FAM186A: variants seen among roughly 807,000 people sequenced by gnomAD.
The protein encoded by FAM186A is family with sequence similarity 186 member A, also known as protein FAM186A.
Under a neutral mutation model 216.8 loss-of-function variants are expected in FAM186A, and 163 were observed. That is an observed-to-expected ratio of 0.75 (90% CI 0.66 to 0.86). The LOEUF (loss-of-function observed/expected upper bound fraction) is 0.86, where lower values mean the gene tolerates loss of function less well. FAM186A is among the 40% of genes least tolerant of loss of function. FAM186A has a pLI of 0.00. For missense variants in FAM186A, 2,184 were observed against 2,746.2 expected (o/e 0.80, Z 4.58); for synonymous variants, 805 against 1,025.3 (o/e 0.79, Z 4.10).
intron 4 of FAM186A, among the ~76,000 whole-genome samples, chr12:50,340,145 C>T (rs1235870963): frequency 6.6e-6 from 1 of 152,082 alleles, no homozygotes; most frequent in African/African-American, 2.4e-5. Context: ...GCCTGTCTTA[C>T]TGACTTTTAC....
chr12:50,385,362 G>A (rs2136106594), intron 1 of FAM186A, among the ~76,000 whole-genome samples: 1 of 147,158 alleles, frequency 6.8e-6, no homozygotes, highest in South Asian at 2.1e-4. Context: ...AGGTTGCAGT[G>A]AGCTGAGATT....
intron 1 of FAM186A, among the ~76,000 whole-genome samples, chr12:50,390,451 C>T (rs547086441): frequency 1.3e-5 from 2 of 152,232 alleles, no homozygotes; most frequent in East Asian, 3.9e-4. Flanking sequence ...TTTCATTCGA[C>T]CGAGGAATTT....
chr12:50,383,047 T>A (rs1050994146), intron 1 of FAM186A, among the ~76,000 whole-genome samples: 8 of 150,830 alleles, frequency 5.3e-5, no homozygotes, highest in African/African-American at 1.9e-4. Context: ...AGAAACCCCA[T>A]CTCTATAAAA....
chr12:50,373,066 A>G (rs1158521367), intron 1 of FAM186A, among the ~76,000 whole-genome samples: 2 of 147,324 alleles, frequency 1.4e-5, no homozygotes, highest in African/African-American at 2.5e-5. Context: ...AAAGAAAGAA[A>G]GAAAGAAAGA....
In FAM186A at chr12:50,354,323, T is replaced by C. The variant is rs984689329; in HGVS notation, c.2509A>G (p.Met837Val). Residue 837 changes from methionine (M) to valine (V), a missense_variant, in exon 4 of 8, where the codon ATG becomes GTG. Physicochemically the swap from Met to Val is conservative, Grantham distance 21. Transcript: ENST00000327337. ...CCCAGCAACTGCTGTTTGAGACTCA[T>C]GCCAGACATTTGTTCTTGACCCTCT... ...LQEGQEQMSG[M>V]SLKQQLLGER... 1.3e-6 allele frequency: 2 copies of C among 1,551,608 alleles called. No individual in the cohort carries two copies. Among genetic ancestry groups the C allele is most frequent in the African/African-American group, 1.4e-5 (1 of 73,048 alleles).
rs1475231364 is a variant in FAM186A, at chr12:50,355,428, T to C, written c.1404A>G (p.Val468=). The C allele has an allele frequency of 1.2e-5, 19 of 1,551,224 alleles. No individual in the cohort carries two copies. The highest frequency in any genetic ancestry group is 1.7e-5 in the Non-Finnish European group (19 of 1,146,954). ...WKRSHKKATY[V]YETSGPNLSD... is the part of the protein sequence containing the mutation. ...TCAGATTTGGTCCAGAGGTCTCATA[T>C]ACATATGTGGCTTTTTTGTGGCTTC... The change falls in exon 4 of 8, where the codon GTA becomes GTG. Residue 468 remains valine (V), a synonymous_variant. Transcript: ENST00000327337.
chr12:50,340,090 G>A (rs1451656103), intron 4 of FAM186A, among the ~76,000 whole-genome samples: 2 of 151,864 alleles, frequency 1.3e-5, no homozygotes, highest in African/African-American at 2.4e-5. Context: ...CACCCACCTC[G>A]GCCTCCCAAA....
chr12:50,358,936 A>AC (rs1943004973), intron 3 of FAM186A, among the ~76,000 whole-genome samples: 1 of 151,504 alleles, frequency 6.6e-6, no homozygotes, highest in African/African-American at 2.4e-5. Flanking sequence ...AAAAAAAAAA[A>AC]AGTTAAAACT....
chr12:50,355,750 G>T lies in FAM186A; in HGVS notation c.1082C>A (p.Ser361Tyr), dbSNP rs1942968964. The change falls in exon 4 of 8, where the codon TCC becomes TAC. Residue 361 changes from serine to tyrosine, a missense_variant. Physicochemically the swap from Ser to Tyr is moderately radical, Grantham distance 144. Around this residue, in one of 7 missense-constraint regions of FAM186A, gnomAD observed 1,132 missense variants for 1,263.4 expected, o/e 0.90. Transcript: ENST00000327337. ...ATCACCAACTTTGATTATCGCCCTG[G>T]ATGACTGTGGAGAAGGTCCAGGTAA... Reference protein sequence around the residue: ...KVLPGPSPQSSRAIIKVGDTE... With the variant: ...KVLPGPSPQSYRAIIKVGDTE... The T allele has an allele frequency of 6.4e-7, 1 of 1,551,516 alleles. No individual in the cohort carries two copies. Among genetic ancestry groups the T allele is most frequent in the Non-Finnish European group, 8.7e-7 (1 of 1,146,980 alleles).
Position 50,354,570 on chromosome 12 carries a change from CT to C in FAM186A, c.2261del (p.Lys754ArgfsTer2), listed in dbSNP as rs1325556099. The C allele has an allele frequency of 6.4e-7, 1 of 1,551,008 alleles. No homozygotes were observed. Among genetic ancestry groups the C allele is most frequent in the Non-Finnish European group, 8.7e-7 (1 of 1,146,862 alleles). On this transcript the variant is annotated frameshift_variant, in exon 4 of 8. Transcript: ENST00000327337. LOFTEE classifies it high-confidence loss of function. ...GCAATCCTGGCATAAATGAGACTAC[CT>C]TTTTTTGTTTTATAGGTTTCTCTCC... ...QVGEKPIKQK[K>X]VVSFMPGLHF...
In FAM186A at chr12:50,390,646, G is replaced by A. The variant is rs12313474; in HGVS notation, c.192+5647C>T. Among the ~76,000 whole-genome samples the A allele has an allele frequency of 3.2e-3, 494 of 152,124 alleles. 5 individuals are homozygous for A. Among genetic ancestry groups the A allele is most frequent in the African/African-American group, 1.0e-2 (413 of 41,506 alleles). On this transcript the variant is annotated intron_variant, in intron 1 of 7. Transcript: ENST00000327337. ...CCTTTGGTGGTTGGGTGCCACTACT[G>A]GGTCCCAGTTAGGTTTACAAATTCA...
In FAM186A at chr12:50,354,538, T is replaced by G; in HGVS notation, c.2294A>C (p.Gln765Pro). Residue 765 changes from glutamine (Q) to proline (P), a missense_variant, in exon 4 of 8, where the codon CAG becomes CCG. Gln to Pro is a moderately conservative substitution (Grantham distance 76). Around this residue, in one of 7 missense-constraint regions of FAM186A, gnomAD observed 1,132 missense variants for 1,263.4 expected, o/e 0.90. Coordinates refer to ENST00000327337, the MANE Select transcript of FAM186A (RefSeq NM_001145475.3). ...AGATTTTGCACTAATTGGTGACTTCTGAAAATGCAATCCTGGCATAAATGA... is the reference window on the plus strand; with the variant it reads ...AGATTTTGCACTAATTGGTGACTTCGGAAAATGCAATCCTGGCATAAATGA... ...VVSFMPGLHF[Q>P]KSPISAKSES... 1 of 1,551,696 alleles carries G rather than the reference T, an allele frequency of 6.4e-7. No individual in the cohort carries two copies. The highest frequency in any genetic ancestry group is 8.7e-7 in the Non-Finnish European group (1 of 1,147,006).
intron 1 of FAM186A, among the ~76,000 whole-genome samples, chr12:50,394,234 TTTTTTG>T (rs1230385864): frequency 6.6e-6 from 1 of 152,096 alleles, no homozygotes; most frequent in Admixed American, 6.6e-5. Context: ...AGCACTCTGT[TTTTTTG>T]TTTTTGTTTT....
At chr12:50,345,597 G>C (rs1316915882) in intron 4 of FAM186A, among the ~76,000 whole-genome samples, 3 of 152,048 alleles carry the variant, frequency 2.0e-5, no homozygotes, top group Non-Finnish European at 1.5e-5. Flanking sequence ...TCATTTATTG[G>C]ACAGAGAGTC....
At chr12:50,380,166 C>T (rs1303846108) in intron 1 of FAM186A, among the ~76,000 whole-genome samples, 1 of 152,070 alleles carries the variant, frequency 6.6e-6, no homozygotes, top group Non-Finnish European at 1.5e-5. Context: ...TAAGTGTATA[C>T]AAATGAATAA....
Position 50,392,961 on chromosome 12 carries a change from C to T in FAM186A, c.192+3332G>A, listed in dbSNP as rs1290933843. On this transcript the variant is annotated intron_variant, in intron 1 of 7. Coordinates refer to ENST00000327337, the MANE Select transcript of FAM186A (RefSeq NM_001145475.3). ...TTTTTTTTTGAGGCGGAGTCTTGCTCTGTCACCCAGGCTGGAGTGCGGTGG... is the reference window on the plus strand; with the variant it reads ...TTTTTTTTTGAGGCGGAGTCTTGCTTTGTCACCCAGGCTGGAGTGCGGTGG... Among the ~76,000 whole-genome samples the T allele has an allele frequency of 2.2e-5, 3 of 135,274 alleles. No individual in the cohort carries two copies. In the East Asian group the frequency reaches 6.9e-4, roughly 31 times the overall value. 88.7% of individuals were successfully genotyped at this position (135,274 alleles called of 152,430 possible).
intron 1 of FAM186A, among the ~76,000 whole-genome samples, chr12:50,392,987 C>T (rs780781481): frequency 1.1e-4 from 16 of 148,596 alleles, no homozygotes; most frequent in Admixed American, 1.4e-4. Flanking sequence ...AGTGCGGTGG[C>T]GCAATCTTGG....
chr12:50,353,222 T>C lies in FAM186A; in HGVS notation c.3610A>G (p.Arg1204Gly), dbSNP rs10876024. ...GCCTGCTGAGGGGTGAGAGAGACCC[T>C]CAGGGCCTGGGCCTGCTGAGGGGTG... ...PLTPQQAQALRVSLTPQQAQE... is the reference protein window; with the variant it reads ...PLTPQQAQALGVSLTPQQAQE... Residue 1204 changes from arginine (R) to glycine (G), a missense_variant, in exon 4 of 8, where the codon AGG becomes GGG. This residue lies in a region of FAM186A where 267 missense variants were observed against 446.2 expected (regional missense o/e 0.60). Transcript: ENST00000327337. The C allele has an allele frequency of 0.68, 622,342 of 914,684 alleles. 231,518 individuals carry two copies. Among genetic ancestry groups the C allele is most frequent in the East Asian group, 0.79 (27,532 of 34,648 alleles). The allele number at this position is 914,684 out of a possible 1,614,324, so 56.7% of individuals were successfully genotyped here. A position where few individuals can be genotyped will look rare whatever the true frequency, so the allele number is the denominator to read the frequency against.
chr12:50,395,913 A>G (rs1943407967), intron 1 of FAM186A, among the ~76,000 whole-genome samples: 1 of 152,052 alleles, frequency 6.6e-6, no homozygotes, highest in South Asian at 2.1e-4. Flanking sequence ...AGGCAAGTGC[A>G]ATCATGCCCA....
Sources: allele counts gnomAD v4.1 joint callset (sites outside exome capture counted in the v4.1 genomes callset), GRCh38; gene constraint gnomAD v4.1.1; regional missense constraint gnomAD v4.1.1; transcripts MANE v1.5; gene names NCBI Gene and HGNC (gene_info 2026-07-23, HGNC 2026-07-21).